The following MAP3K1 variants were observed in gnomAD, a reference collection of about 807,000 sequenced individuals.
MAP3K1 encodes the protein mitogen-activated protein kinase kinase kinase 1.
In MAP3K1, 36 loss-of-function variants were observed where a neutral mutation model predicts 144.2. The observed-to-expected ratio is 0.25, with a 90% CI of 0.19 to 0.33. The LOEUF (loss-of-function observed/expected upper bound fraction) is 0.33, where lower values mean the gene tolerates loss of function less well. MAP3K1 is among the 10% of genes least tolerant of loss of function. The pLI is 1.00. For synonymous variants in MAP3K1, 718 were observed against 688.7 expected (o/e 1.04, Z -0.67); for missense variants, 1,650 against 1,881.9 (o/e 0.88, Z 2.28).
intron 2 of MAP3K1, among the ~76,000 whole-genome samples, chr5:56,858,544 G>C (rs1747407725): frequency 6.6e-6 from 1 of 152,092 alleles, no homozygotes; most frequent in African/African-American, 2.4e-5. Flanking sequence ...CTGTTTACTT[G>C]GGAGGTCTGA....
At chr5:56,856,872 T>C in intron 2 of MAP3K1, 122 bp downstream of exon 2, 1 of 1,058,264 alleles carries the variant, frequency 9.4e-7, no homozygotes, top group South Asian at 1.4e-5. Context: ...TTTTCTTTAC[T>C]TGATATTGTG....
At chr5:56,838,991 T>C (rs1172976392) in intron 1 of MAP3K1, among the ~76,000 whole-genome samples, 2 of 152,166 alleles carry the variant, frequency 1.3e-5, no homozygotes, top group African/African-American at 4.8e-5. Context: ...CATATGACAT[T>C]GGTCGAGATC....
intron 1 of MAP3K1, among the ~76,000 whole-genome samples, chr5:56,832,110 T>G (rs1372028448): frequency 6.6e-6 from 1 of 152,242 alleles, no homozygotes; most frequent in Non-Finnish European, 1.5e-5. Flanking sequence ...CTTTTGAGTT[T>G]GACCTCATCT....
chr5:56,843,736 G>C (rs1746887660), intron 1 of MAP3K1, among the ~76,000 whole-genome samples: 1 of 152,076 alleles, frequency 6.6e-6, no homozygotes, highest in African/African-American at 2.4e-5. Context: ...CATCTCGCTG[G>C]CTGTCTAAAT....
chr5:56,866,520 A>T (rs1328176446), intron 6 of MAP3K1, among the ~76,000 whole-genome samples: 1 of 152,170 alleles, frequency 6.6e-6, no homozygotes, highest in African/African-American at 2.4e-5. Context: ...CATTCATGTG[A>T]ATCTTCTTTC....
At chr5:56,873,890 C>T (rs1297384778) in intron 9 of MAP3K1, among the ~76,000 whole-genome samples, 2 of 152,130 alleles carry the variant, frequency 1.3e-5, no homozygotes, top group Non-Finnish European at 2.9e-5. Flanking sequence ...GTACCTAGTT[C>T]ATTAATGAAA....
intron 1 of MAP3K1, among the ~76,000 whole-genome samples, chr5:56,849,380 C>T (rs1747099408): frequency 6.6e-6 from 1 of 151,204 alleles, no homozygotes; most frequent in Admixed American, 6.6e-5. Context: ...AGAATCAATC[C>T]TTTGTTGTGC....
chr5:56,881,317 C>A, intron 13 of MAP3K1, 45 bp downstream of exon 13: 1 of 1,492,394 alleles, frequency 6.7e-7, no homozygotes, highest in Non-Finnish European at 9.3e-7. Context: ...TTCCTACCCT[C>A]CCTACACCCT....
chr5:56,831,147 C>T (rs1453888457), intron 1 of MAP3K1, among the ~76,000 whole-genome samples: 1 of 146,688 alleles, frequency 6.8e-6, no homozygotes, highest in Non-Finnish European at 1.5e-5. Flanking sequence ...TCTTCTATAA[C>T]TTTTTTTTAA....
rs753775663 is a variant in MAP3K1, at chr5:56,887,533, T to C, written c.4257+13T>C. The stretch of plus-strand genomic sequence containing the variant: ...TATGGCACCTGAGGTGAGAAGCATC[T>C]TTGAGTGTGATGACAGAAAATATTT... On this transcript the variant is annotated intron_variant, in intron 18 of 19. Coordinates refer to ENST00000399503, the MANE Select transcript of MAP3K1 (RefSeq NM_005921.2). 6.2e-7 allele frequency: 1 copy of C among 1,613,990 alleles called. No individual in the cohort carries two copies. Among genetic ancestry groups the C allele is most frequent in the Non-Finnish European group, 8.5e-7 (1 of 1,179,874 alleles).
chr5:56,848,940 A>C (rs1376649827), intron 1 of MAP3K1, among the ~76,000 whole-genome samples: 1 of 152,226 alleles, frequency 6.6e-6, no homozygotes, highest in African/African-American at 2.4e-5. Flanking sequence ...GAGCTTTTTG[A>C]GGGTGAATTC....
intron 10 of MAP3K1, among the ~76,000 whole-genome samples, chr5:56,878,179 A>C (rs1365221109): frequency 6.6e-6 from 1 of 152,174 alleles, no homozygotes; most frequent in African/African-American, 2.4e-5. Context: ...ATTTCACCTC[A>C]AAATTTTGTC....
At position 56,882,006 on chromosome 5, in the gene MAP3K1, G is replaced by T. The variant is rs1337818837; in HGVS notation, c.2806G>T (p.Val936Leu). The T allele has an allele frequency of 6.3e-7, 1 of 1,585,212 alleles. No homozygotes were observed. The highest frequency in any genetic ancestry group is 1.5e-5 in the African/African-American group (1 of 66,058). Reference protein sequence around the residue: ...DISERLASISVGPSSSTTTTT... With the variant: ...DISERLASISLGPSSSTTTTT... ...TTCTGAGAGACTGGCCAGCATTTCA[G>T]TAGGACCTTCTAGTTCAACAACAAC... Residue 936 changes from valine to leucine, a missense_variant, in exon 14 of 20, where the codon GTA becomes TTA. Physicochemically the swap from Val to Leu is conservative, Grantham distance 32 (BLOSUM62 1). Around this residue, in one of 6 missense-constraint regions of MAP3K1, gnomAD observed 841 missense variants for 886.5 expected, o/e 0.95. Coordinates refer to ENST00000399503, the MANE Select transcript of MAP3K1 (RefSeq NM_005921.2).
chr5:56,891,159 C>A (rs58835146), intron 19 of MAP3K1, among the ~76,000 whole-genome samples: 91,268 of 145,022 alleles, frequency 0.63, 29,227 homozygotes, highest in Non-Finnish European at 0.7. Flanking sequence ...CCCCCCCCCC[C>A]CACACACACA....
At chr5:56,855,134 TC>T (rs1561182005) in intron 1 of MAP3K1, among the ~76,000 whole-genome samples, 1 of 124,164 alleles carries the variant, frequency 8.1e-6, no homozygotes, top group Non-Finnish European at 1.8e-5. Flanking sequence ...TTTCTCCTCC[TC>T]CTTTCTTCTC....
At chr5:56,831,585 A>G (rs910848335) in intron 1 of MAP3K1, among the ~76,000 whole-genome samples, 1 of 152,258 alleles carries the variant, frequency 6.6e-6, no homozygotes, top group Non-Finnish European at 1.5e-5. Context: ...TTACACATTT[A>G]TTAAATGATA....
At chr5:56,831,081 T>TAC (rs1432990854) in intron 1 of MAP3K1, among the ~76,000 whole-genome samples, 1 of 152,182 alleles carries the variant, frequency 6.6e-6, no homozygotes, top group Admixed American at 6.5e-5. Context: ...TCTTTTCAAG[T>TAC]ACAGTGTTCT....
chr5:56,822,398 A>G lies in MAP3K1; in HGVS notation c.482+6343A>G, dbSNP rs181081942. On this transcript the variant is annotated intron_variant, in intron 1 of 19. Coordinates refer to ENST00000399503, the MANE Select transcript of MAP3K1 (RefSeq NM_005921.2). ...TGATAATATTGACCAATTTTATGTAATGTGAGCCTTCTAATAATTAGTGTA... is the reference window on the plus strand; with the variant it reads ...TGATAATATTGACCAATTTTATGTAGTGTGAGCCTTCTAATAATTAGTGTA... Among the ~76,000 whole-genome samples the G allele has an allele frequency of 4.5e-3, 685 of 152,332 alleles. 7 individuals carry two copies. The highest frequency in any genetic ancestry group is 0.016 in the African/African-American group (657 of 41,580).
At chr5:56,883,422 A>T in intron 14 of MAP3K1, 105 bp from the exon 15 acceptor site, 2 of 1,031,048 alleles carry the variant, frequency 1.9e-6, no homozygotes, top group Non-Finnish European at 3.0e-6. Flanking sequence ...TCACATTTAT[A>T]GGTGGTTTGG....
Sources: gnomAD v4.1 joint callset for allele counts (sites outside exome capture counted in the v4.1 genomes callset) on GRCh38, gnomAD v4.1.1 for gene constraint, gnomAD v4.1.1 regional missense constraint, MANE v1.5 for transcripts, NCBI Gene and HGNC (gene_info 2026-07-23, HGNC 2026-07-21) for gene names.